SYT11: variants seen among roughly 807,000 people sequenced by gnomAD.
SYT11 encodes synaptotagmin 11.
Under a neutral mutation model 30.4 loss-of-function variants are expected in SYT11, and 12 were observed. The ratio of observed to expected loss-of-function variants is 0.39; its 90% CI spans 0.25 to 0.64. The LOEUF (loss-of-function observed/expected upper bound fraction) is 0.64. SYT11 is among the 30% of genes least tolerant of loss of function. The pLI is 0.45. For synonymous variants in SYT11, 204 were observed against 216.0 expected (o/e 0.94, Z 0.49); for missense variants, 412 against 552.0 (o/e 0.75, Z 2.54).
intron 2 of SYT11, among the ~76,000 whole-genome samples, chr1:155,873,430 A>C (rs907151164): frequency 1.3e-5 from 2 of 152,206 alleles, no homozygotes; most frequent in Non-Finnish European, 2.9e-5. Context: ...GTCTCAAAAA[A>C]AAGAAATAAT....
chr1:155,869,736 C>G (rs1672752873), intron 2 of SYT11, among the ~76,000 whole-genome samples: 1 of 152,192 alleles, frequency 6.6e-6, no homozygotes, highest in South Asian at 2.1e-4. Flanking sequence ...TGCCTTCTCT[C>G]TCCCTCTTCC....
chr1:155,868,323 A>G lies in SYT11; in HGVS notation c.393A>G (p.Glu131=). ...CCATCAAAATGGACTATGGGGAAGA[A>G]CTAAGGAGCCCTATTACAAGCCTGA... is the stretch of plus-strand genomic sequence containing the variant. ...QLPIKMDYGE[E]LRSPITSLTP... The change falls in exon 2 of 4, where the codon GAA becomes GAG. Residue 131 remains glutamate, a synonymous_variant. Coordinates refer to ENST00000368324, the MANE Select transcript of SYT11 (RefSeq NM_152280.5). This position sits in a 1 kb window ranked among gnomAD's most constrained non-coding sequence, Gnocchi z 4.7. 1 of 1,614,136 alleles carries G rather than the reference A, an allele frequency of 6.2e-7. No homozygotes were observed.
rs1672991617 is a variant in SYT11 at position 155,882,218 on chromosome 1, C to T, written c.*710C>T. 6.6e-6 allele frequency: 1 copy of T among 152,230 alleles called. No individual in the cohort carries two copies. The highest frequency in any genetic ancestry group is 2.4e-5 in the African/African-American group (1 of 41,418). 9.4% of individuals were successfully genotyped at this position (152,230 alleles called of 1,614,324 possible). Reference sequence around the variant, plus strand: ...TGTGTTTTGTGCTGAATTGTATTTGCTGATTACCTGAAATTGGCTTCTTTT... The same window carrying T: ...TGTGTTTTGTGCTGAATTGTATTTGTTGATTACCTGAAATTGGCTTCTTTT... On this transcript the variant is annotated 3_prime_UTR_variant, in exon 4 of 4. Transcript: ENST00000368324.
chr1:155,881,111 C>T (rs937234204), intron 3 of SYT11, 87 bp from the exon 4 acceptor site: 5 of 1,402,624 alleles, frequency 3.6e-6, no homozygotes, highest in Non-Finnish European at 3.9e-6. Flanking sequence ...CAGAGCCCCC[C>T]CTTTCCCAAC....
intron 1 of SYT11, among the ~76,000 whole-genome samples, chr1:155,863,012 C>A (rs902497562): frequency 6.6e-6 from 1 of 152,230 alleles, no homozygotes; most frequent in Non-Finnish European, 1.5e-5. Context: ...AAGTAGCTTA[C>A]TACCAAGGCT....
intron 2 of SYT11, among the ~76,000 whole-genome samples, chr1:155,875,110 G>A (rs932499009): frequency 1.4e-5 from 2 of 148,022 alleles, no homozygotes; most frequent in Admixed American, 6.8e-5. Flanking sequence ...AAAATTACCC[G>A]GGCATGGTGA....
In SYT11 at chr1:155,884,677, T is replaced by C. The variant is rs546553199; in HGVS notation, c.*3169T>C. ...TAGGTTAGGGAATGGTCACTTCTGA[T>C]TTTCCAACAGTTGCTCCTTCTCTGA... On this transcript the variant is annotated 3_prime_UTR_variant, in exon 4 of 4. Coordinates refer to ENST00000368324, the MANE Select transcript of SYT11 (RefSeq NM_152280.5). The C allele has an allele frequency of 6.5e-6, 1 of 152,920 alleles. No homozygotes were observed. The highest frequency in any genetic ancestry group is 1.9e-4 in the East Asian group (1 of 5,332). The allele number at this position is 152,920 out of a possible 1,614,324, so 9.5% of individuals were successfully genotyped here.
Position 155,868,859 on chromosome 1 carries a change from G to A in SYT11, c.861+68G>A. 1 of 1,459,418 alleles carries A rather than the reference G, an allele frequency of 6.9e-7. No individual in the cohort carries two copies. Among genetic ancestry groups the A allele is most frequent in the Non-Finnish European group, 9.3e-7 (1 of 1,074,460 alleles). The allele number at this position is 1,459,418 out of a possible 1,614,324, so 90.4% of individuals were successfully genotyped here. ...GAGAAAATATCTCAGGGGATAAATG[G>A]AAGTGGGAGGGGAGTGGGTTGGGTG... On this transcript the variant is annotated intron_variant, in intron 2 of 3. Transcript: ENST00000368324. The surrounding 1 kb of genome is among the most constrained non-coding windows in gnomAD (Gnocchi z 4.7).
At chr1:155,869,110 A>G (rs541815273) in intron 2 of SYT11, among the ~76,000 whole-genome samples, 5 of 152,160 alleles carry the variant, frequency 3.3e-5, no homozygotes, top group Non-Finnish European at 4.4e-5. Context: ...TATCAGGGAT[A>G]TGGGAGCTAA....
intron 2 of SYT11, among the ~76,000 whole-genome samples, chr1:155,872,365 C>G (rs1338637925): frequency 6.6e-6 from 1 of 152,204 alleles, no homozygotes; most frequent in Admixed American, 6.5e-5. Context: ...GTTTATTGAG[C>G]TTATGATGGT....
intron 1 of SYT11, among the ~76,000 whole-genome samples, chr1:155,863,208 C>T (rs779199682): frequency 2.6e-5 from 4 of 152,002 alleles, no homozygotes; most frequent in Non-Finnish European, 5.9e-5. Context: ...ATAATTCCAG[C>T]GACTCAAGAG....
intron 3 of SYT11, 151 bp downstream of exon 3, chr1:155,880,774 C>A: frequency 2.1e-6 from 2 of 953,282 alleles, no homozygotes; most frequent in Non-Finnish European, 3.2e-6. Flanking sequence ...TGATGAGTAT[C>A]TACGTCCAAT....
At chr1:155,863,792 G>A (rs1300228175) in intron 1 of SYT11, among the ~76,000 whole-genome samples, 3 of 151,964 alleles carry the variant, frequency 2.0e-5, no homozygotes, top group Non-Finnish European at 2.9e-5. Flanking sequence ...GTAGTGGCAT[G>A]TGCTGGTAAT....
chr1:155,868,087 T>C lies in SYT11; in HGVS notation c.157T>C (p.Tyr53His). The C allele has an allele frequency of 6.8e-6, 11 of 1,613,870 alleles. No individual in the cohort carries two copies. Among genetic ancestry groups the C allele is most frequent in the South Asian group, 1.1e-5 (1 of 91,072 alleles). Residue 53 changes from tyrosine to histidine, a missense_variant, in exon 2 of 4, where the codon TAC becomes CAC. Tyr to His is a moderately conservative substitution (Grantham distance 83). Transcript: ENST00000368324. This position sits in a 1 kb window ranked among gnomAD's most constrained non-coding sequence, Gnocchi z 4.7. ...QAEKKQKNPP[Y>H]KFIHMLKGIS... ...AGAGAAGAAGCAGAAGAACCCACCA[T>C]ACAAGTTTATTCACATGCTCAAAGG...
Position 155,863,382 on chromosome 1 carries a change from G to A in SYT11, c.34+3587G>A, listed in dbSNP as rs1672622382. On this transcript the variant is annotated intron_variant, in intron 1 of 3. Transcript: ENST00000368324. ...GTAGTAAGATTGCTTGAGCCCAGGA[G>A]TTCAAGGCTGCAGTGAGCTGTGATT... 2.0e-5 allele frequency among the ~76,000 whole-genome samples: 3 copies of A among 152,084 alleles called. No individual in the cohort carries two copies. The South Asian group carries it at 6.2e-4, about 32-fold the overall frequency.
chr1:155,881,776 T>G lies in SYT11; in HGVS notation c.*268T>G. 3.8e-6 allele frequency: 1 copy of G among 260,488 alleles called. No individual in the cohort carries two copies. Among genetic ancestry groups the G allele is most frequent in the Admixed American group, 5.0e-5 (1 of 19,810 alleles). The allele number at this position is 260,488 out of a possible 1,614,324, so 16.1% of individuals were successfully genotyped here. A position where few individuals can be genotyped will look rare whatever the true frequency, so the allele number is the denominator to read the frequency against. On this transcript the variant is annotated 3_prime_UTR_variant, in exon 4 of 4. Coordinates refer to ENST00000368324, the MANE Select transcript of SYT11 (RefSeq NM_152280.5). ...GGAGTTTCGCTCTTGTTGCCCGGGCTGGAGTGCAATGGTGAGATCTCAACT... is the reference window on the plus strand; with the variant it reads ...GGAGTTTCGCTCTTGTTGCCCGGGCGGGAGTGCAATGGTGAGATCTCAACT...
At chr1:155,875,562 C>A (rs1672847239) in intron 2 of SYT11, among the ~76,000 whole-genome samples, 1 of 152,014 alleles carries the variant, frequency 6.6e-6, no homozygotes, top group Admixed American at 6.6e-5. Flanking sequence ...CACCATCATG[C>A]CCCACTAATT....
intron 2 of SYT11, among the ~76,000 whole-genome samples, chr1:155,869,267 T>G: frequency 7.3e-6 from 1 of 137,336 alleles, no homozygotes; most frequent in African/African-American, 2.7e-5. Flanking sequence ...ACATGTCTTT[T>G]TTTTTTTTTT....
chr1:155,869,582 T>G (rs957680179), intron 2 of SYT11, among the ~76,000 whole-genome samples: 1 of 152,144 alleles, frequency 6.6e-6, no homozygotes, highest in Non-Finnish European at 1.5e-5. Flanking sequence ...GTCATGCACA[T>G]GTCTTCTTAT....
Sources: allele counts gnomAD v4.1 joint callset (sites outside exome capture counted in the v4.1 genomes callset), GRCh38; gene constraint gnomAD v4.1.1; non-coding constraint Gnocchi (gnomAD v3.1); transcripts MANE v1.5; gene names NCBI Gene and HGNC (gene_info 2026-07-23, HGNC 2026-07-21).